QTGAL: variants seen among roughly 807,000 people sequenced by gnomAD.
The protein encoded by QTGAL is BGnT-like protein 1.
chr17:83,051,743 G>C, the QTGAL span: 44 of 1,497,476 alleles, frequency 2.9e-5, no homozygotes, highest in Non-Finnish European at 3.7e-5. Context: ...CTACCACGTG[G>C]GCCTGCATGG....
chr17:83,031,269 G>A, the QTGAL span, among the ~76,000 whole-genome samples: 10 of 151,850 alleles, frequency 6.6e-5, no homozygotes, highest in South Asian at 6.3e-4. Context: ...CGGGTCCCTC[G>A]CAGGACCAGA....
the QTGAL span, among the ~76,000 whole-genome samples, chr17:83,046,806 G>C: frequency 6.6e-6 from 1 of 152,204 alleles, no homozygotes; most frequent in Admixed American, 6.5e-5. Flanking sequence ...CAGTATCAAA[G>C]GGTAGAACAA....
chr17:82,994,333 T>C, the QTGAL span, among the ~76,000 whole-genome samples: 14 of 151,914 alleles, frequency 9.2e-5, no homozygotes, highest in East Asian at 2.5e-3. Flanking sequence ...ACTGGAGAAA[T>C]TCAAAGAAAT....
At chr17:83,048,291 G>C in the QTGAL span, among the ~76,000 whole-genome samples, 1 of 152,198 alleles carries the variant, frequency 6.6e-6, no homozygotes, top group African/African-American at 2.4e-5. Context: ...GCCTCCCATA[G>C]TGCTGGGATT....
At chr17:83,034,399 C>G in the QTGAL span, among the ~76,000 whole-genome samples, 2 of 152,222 alleles carry the variant, frequency 1.3e-5, no homozygotes, top group African/African-American at 4.8e-5. Context: ...CCATGATTAA[C>G]TCATTAAGTG....
At chr17:83,014,388 T>C in the QTGAL span, 1 of 1,553,078 alleles carries the variant, frequency 6.4e-7, no homozygotes, top group African/African-American at 1.4e-5. Context: ...GAAAACTCTT[T>C]ATTTAAAAAA....
the QTGAL span, among the ~76,000 whole-genome samples, chr17:83,043,648 A>G: frequency 6.6e-6 from 1 of 151,976 alleles, no homozygotes; most frequent in Non-Finnish European, 1.5e-5. Context: ...TAGCAGAAGG[A>G]AGGAAACAGT....
the QTGAL span, among the ~76,000 whole-genome samples, chr17:82,966,589 G>A: frequency 6.6e-6 from 1 of 152,130 alleles, no homozygotes; most frequent in Non-Finnish European, 1.5e-5. Context: ...GACATCAGGG[G>A]CGTCAGTGGT....
At chr17:83,038,452 A>G in the QTGAL span, among the ~76,000 whole-genome samples, 1 of 152,262 alleles carries the variant, frequency 6.6e-6, no homozygotes, top group African/African-American at 2.4e-5. Context: ...AAATGTTTTC[A>G]AAATAGATGA....
chr17:83,036,227 A>G, the QTGAL span, among the ~76,000 whole-genome samples: 1 of 152,234 alleles, frequency 6.6e-6, no homozygotes. Context: ...GGCTGTACAC[A>G]CAGCGTGGGT....
At chr17:82,964,661 G>A in the QTGAL span, among the ~76,000 whole-genome samples, 1 of 135,132 alleles carries the variant, frequency 7.4e-6, no homozygotes, top group African/African-American at 2.8e-5. Context: ...ACGCCTACAG[G>A]TGCACCCCCA....
chr17:83,031,884 T>C, the QTGAL span, among the ~76,000 whole-genome samples: 88,358 of 152,180 alleles, frequency 0.58, 26,064 homozygotes, highest in African/African-American at 0.68. Flanking sequence ...ACTGGTCAGC[T>C]GGGCAAAACC....
chr17:82,973,824 C>T, the QTGAL span, among the ~76,000 whole-genome samples: 1 of 152,210 alleles, frequency 6.6e-6, no homozygotes, highest in Non-Finnish European at 1.5e-5. Flanking sequence ...AGCTCAGGGG[C>T]TCTCAGGCAG....
the QTGAL span, among the ~76,000 whole-genome samples, chr17:83,001,244 C>G: frequency 6.6e-6 from 1 of 152,102 alleles, no homozygotes; most frequent in African/African-American, 2.4e-5. Flanking sequence ...TTAAATGAGA[C>G]CAGGGAGATG....
chr17:82,994,297 A>T, the QTGAL span, among the ~76,000 whole-genome samples: 1 of 152,136 alleles, frequency 6.6e-6, no homozygotes, highest in Non-Finnish European at 1.5e-5. Context: ...AAAATCAGGG[A>T]TGAAAAGAGA....
At chr17:83,011,969 C>T in the QTGAL span, among the ~76,000 whole-genome samples, 2 of 147,268 alleles carry the variant, frequency 1.4e-5, no homozygotes, top group Admixed American at 6.8e-5. Context: ...TATCCCAGCT[C>T]GTTTGAACAC....
chr17:83,016,891 C>T, the QTGAL span, among the ~76,000 whole-genome samples: 3 of 152,128 alleles, frequency 2.0e-5, no homozygotes, highest in Admixed American at 6.5e-5. Flanking sequence ...CTAAGGGGCA[C>T]GTCACTAACC....
the QTGAL span, among the ~76,000 whole-genome samples, chr17:82,961,539 G>A: frequency 1.1e-4 from 16 of 152,270 alleles, no homozygotes; most frequent in African/African-American, 2.2e-4. Flanking sequence ...TGGCTGGTCC[G>A]GCCTCCGTCC....
the QTGAL span, chr17:82,944,381 A>T: frequency 6.6e-6 from 1 of 152,148 alleles, no homozygotes; most frequent in African/African-American, 2.4e-5. Context: ...GGTCCAGGTG[A>T]TAGAGTTTGG....
Sources: allele counts gnomAD v4.1 joint callset (sites outside exome capture counted in the v4.1 genomes callset), GRCh38; gene constraint gnomAD v4.1.1; transcripts MANE v1.5; gene names NCBI Gene and HGNC (gene_info 2026-07-23, HGNC 2026-07-21).